NAA11: variants seen among roughly 807,000 people sequenced by gnomAD.
NAA11 encodes N-alpha-acetyltransferase 11.
In NAA11, 15 loss-of-function variants were observed where a neutral mutation model predicts 16.1. The observed-to-expected ratio is 0.93, with a 90% CI of 0.62 to 1.44. The LOEUF is 1.44. Among genes scored for constraint, NAA11 ranks in the 40% most tolerant of loss-of-function variants. NAA11 has a pLI of 0.00. For missense variants in NAA11, 298 were observed against 291.3 expected (o/e 1.02, Z -0.17); for synonymous variants, 122 against 112.4 (o/e 1.09, Z -0.54).
the NAA11 span, among the ~76,000 whole-genome samples, chr4:79,156,325 G>GTA: frequency 5.0e-5 from 2 of 39,802 alleles, no homozygotes; most frequent in African/African-American, 2.4e-4. Context: ...GTGTGTGTGT[G>GTA]TGTGTATATA....
the NAA11 span, among the ~76,000 whole-genome samples, chr4:79,160,237 C>T: frequency 6.6e-6 from 1 of 152,182 alleles, no homozygotes; most frequent in African/African-American, 2.4e-5. Context: ...GGTGATCCAG[C>T]CGCCTCGGCC....
At chr4:79,207,494 C>G in the NAA11 span, among the ~76,000 whole-genome samples, 8 of 151,816 alleles carry the variant, frequency 5.3e-5, no homozygotes, top group African/African-American at 1.9e-4. Context: ...AAGCACACAG[C>G]AAGAAGTCAA....
intron 2 of NAA11, among the ~76,000 whole-genome samples, chr4:79,270,002 T>G (rs1336011535): frequency 3.3e-5 from 5 of 151,846 alleles, no homozygotes; most frequent in Admixed American, 6.6e-5. Context: ...TTGTCAAAGA[T>G]CAGACAGTTG....
the NAA11 span, among the ~76,000 whole-genome samples, chr4:79,166,558 C>A: frequency 6.9e-6 from 1 of 145,748 alleles, no homozygotes; most frequent in African/African-American, 2.5e-5. Flanking sequence ...GAACTCCTGG[C>A]CTCAAGTGAT....
At chr4:79,262,031 G>C (rs1722253487) in intron 2 of NAA11, among the ~76,000 whole-genome samples, 1 of 152,062 alleles carries the variant, frequency 6.6e-6, no homozygotes. Flanking sequence ...TATCTGAGGA[G>C]AACCTAATAT....
the NAA11 span, among the ~76,000 whole-genome samples, chr4:79,218,817 G>A: frequency 2.6e-5 from 4 of 152,010 alleles, no homozygotes; most frequent in African/African-American, 9.7e-5. Flanking sequence ...TCAGGATTTT[G>A]CTTAGATTCT....
chr4:79,277,089 C>T (rs1722666647), intron 2 of NAA11, among the ~76,000 whole-genome samples: 2 of 152,098 alleles, frequency 1.3e-5, no homozygotes, highest in Non-Finnish European at 2.9e-5. Flanking sequence ...AATGTTGCAC[C>T]TTCATCCCAA....
the NAA11 span, among the ~76,000 whole-genome samples, chr4:79,171,133 A>G: frequency 4.6e-4 from 70 of 152,176 alleles, no homozygotes; most frequent in Admixed American, 7.2e-4. Flanking sequence ...CCAAAAGTTC[A>G]TGTGTTGGAA....
chr4:79,248,998 C>G (rs190526720), intron 2 of NAA11, among the ~76,000 whole-genome samples: 27 of 152,110 alleles, frequency 1.8e-4, no homozygotes, highest in African/African-American at 4.8e-4. Flanking sequence ...TGAGCCCCCC[C>G]CCAGTGCAGC....
At chr4:79,163,824 T>G in the NAA11 span, among the ~76,000 whole-genome samples, 13 of 152,294 alleles carry the variant, frequency 8.5e-5, no homozygotes, top group East Asian at 1.7e-3. Flanking sequence ...TTACCCTATT[T>G]GTTATATTTA....
chr4:79,277,568 T>C (rs1722683104), intron 2 of NAA11, among the ~76,000 whole-genome samples: 2 of 152,256 alleles, frequency 1.3e-5, no homozygotes, highest in African/African-American at 2.4e-5. Context: ...TAAACTTAAC[T>C]TCCTCGTAAA....
intron 2 of NAA11, among the ~76,000 whole-genome samples, chr4:79,265,050 T>A (rs1425806066): frequency 6.6e-6 from 1 of 152,194 alleles, no homozygotes; most frequent in African/African-American, 2.4e-5. Flanking sequence ...AAACCTTTCC[T>A]TTTACAATTT....
At chr4:79,251,195 A>G (rs992393560) in intron 2 of NAA11, among the ~76,000 whole-genome samples, 1 of 152,222 alleles carries the variant, frequency 6.6e-6, no homozygotes, top group African/African-American at 2.4e-5. Flanking sequence ...CTGCAGCACT[A>G]TTAACAATAG....
intron 2 of NAA11, among the ~76,000 whole-genome samples, chr4:79,243,099 G>A (rs989766323): frequency 1.3e-5 from 2 of 152,134 alleles, no homozygotes; most frequent in African/African-American, 4.8e-5. Flanking sequence ...TCTGGGTAGT[G>A]GTCTGAGATT....
intron 1 of NAA11, among the ~76,000 whole-genome samples, chr4:79,318,143 G>T (rs1723981230): frequency 6.6e-6 from 1 of 152,184 alleles, no homozygotes; most frequent in Non-Finnish European, 1.5e-5. Context: ...CATTTTGCTT[G>T]TCATCTTTAA....
At chr4:79,158,684 G>T in the NAA11 span, among the ~76,000 whole-genome samples, 1 of 113,156 alleles carries the variant, frequency 8.8e-6, no homozygotes, top group South Asian at 2.5e-4. Context: ...AAATGTGGAG[G>T]CATCACATTA....
the NAA11 span, among the ~76,000 whole-genome samples, chr4:79,219,477 C>T: frequency 5.5e-4 from 84 of 152,182 alleles, 2 homozygotes; most frequent in South Asian, 0.011. Flanking sequence ...TTTTATTATC[C>T]GTAACCACTA....
chr4:79,249,654 AAGAAAG>A (rs1205576561), intron 2 of NAA11, among the ~76,000 whole-genome samples: 1 of 152,246 alleles, frequency 6.6e-6, no homozygotes, highest in Non-Finnish European at 1.5e-5. Context: ...GTGTCCCTGA[AAGAAAG>A]AGAAAGCAAA....
chr4:79,325,999 C>T lies in NAA11; in HGVS notation c.-122G>A. The T allele has an allele frequency of 1.3e-6, 1 of 793,500 alleles. No individual in the cohort carries two copies. Among genetic ancestry groups the T allele is most frequent in the Non-Finnish European group, 2.0e-6 (1 of 497,684 alleles). The allele number at this position is 793,500 out of a possible 1,614,324, so 49.2% of individuals were successfully genotyped here. A position where few individuals can be genotyped will look rare whatever the true frequency, so the allele number is the denominator to read the frequency against. On this transcript the variant is annotated 5_prime_UTR_variant, in exon 1 of 2. Coordinates refer to ENST00000286794, the MANE Select transcript of NAA11 (RefSeq NM_032693.3). The stretch of plus-strand genomic sequence containing the variant: ...GGGGGCTAACACCACCGGGCTGAAT[C>T]GTGTGGAGGGCGGATGGCGGGAAGG...
Sources: gnomAD v4.1 joint callset for allele counts (sites outside exome capture counted in the v4.1 genomes callset) on GRCh38, gnomAD v4.1.1 for gene constraint, MANE v1.5 for transcripts, NCBI Gene and HGNC (gene_info 2026-07-23, HGNC 2026-07-21) for gene names.